Variants in TMIE observed in about 807,000 individuals in gnomAD.
TMIE encodes the protein transmembrane inner ear.
TMIE carries 14 observed loss-of-function variants against 16.8 expected under a neutral mutation model. The observed-to-expected ratio is 0.83, with a 90% CI of 0.55 to 1.30. The LOEUF is 1.30. Ranked by LOEUF, TMIE falls within the 50% of genes most tolerant of loss-of-function variation. The pLI is 0.00. For missense variants in TMIE, 204 were observed against 205.9 expected (o/e 0.99, Z 0.06); for synonymous variants, 75 against 87.2 (o/e 0.86, Z 0.78).
Position 46,709,281 on chromosome 3 carries a change from T to C in TMIE, c.361+6T>C, listed in dbSNP as rs767860785. The C allele has an allele frequency of 5.6e-6, 9 of 1,613,752 alleles. No individual in the cohort carries two copies. The African/African-American group carries it at 1.1e-4, about 19-fold the overall frequency. Reference sequence around the variant, plus strand: ...GCTCACAGAAGTCCCAGGAGGTGAGTTGGCCCTGGCTTGAGCCCTGCTGCG... The same window carrying C: ...GCTCACAGAAGTCCCAGGAGGTGAGCTGGCCCTGGCTTGAGCCCTGCTGCG... On this transcript the variant is annotated splice_donor_region_variant and intron_variant, in intron 3 of 3. Coordinates refer to ENST00000643606, the MANE Select transcript of TMIE (RefSeq NM_147196.3).
Position 46,701,827 on chromosome 3 carries a change from G to A in TMIE, c.93+247G>A, listed in dbSNP as rs554613110. On this transcript the variant is annotated intron_variant, in intron 1 of 3. Transcript: ENST00000643606. This position sits in a 1 kb window ranked among gnomAD's most constrained non-coding sequence, Gnocchi z 4.3. ...CCGATTTCTGGAACATTAGTCTGAC[G>A]GGGGAGACTCACCTTGACCTTAGGG... 6.6e-6 allele frequency among the ~76,000 whole-genome samples: 1 copy of A among 152,212 alleles called. No individual in the cohort carries two copies. Among genetic ancestry groups the A allele is most frequent in the South Asian group, 2.1e-4 (1 of 4,820 alleles).
rs375093991 is a variant in TMIE at position 46,709,559 on chromosome 3, C to T, written c.362-20C>T. 9 of 1,609,274 alleles carry T rather than the reference C, an allele frequency of 5.6e-6. No individual in the cohort carries two copies. Among genetic ancestry groups the T allele is most frequent in the Admixed American group, 1.7e-5 (1 of 59,240 alleles). On this transcript the variant is annotated intron_variant, in intron 3 of 3. Coordinates refer to ENST00000643606, the MANE Select transcript of TMIE (RefSeq NM_147196.3). ...CCTTGTCTCACCACTATCACATGGT[C>T]TCTTCCCCCTGCCCCACAGAGGATA...
chr3:46,706,909 G>C (rs1166373009), intron 2 of TMIE, among the ~76,000 whole-genome samples: 1 of 152,226 alleles, frequency 6.6e-6, no homozygotes, highest in African/African-American at 2.4e-5. Flanking sequence ...GTGCCCCAGA[G>C]AGCTGGGTGG....
chr3:46,709,901 AC>A lies in TMIE; in HGVS notation c.*217del. 3 of 940,186 alleles carry A rather than the reference AC, an allele frequency of 3.2e-6. No individual in the cohort carries two copies. Among genetic ancestry groups the A allele is most frequent in the East Asian group, 2.8e-5 (1 of 35,664 alleles). 58.2% of individuals were successfully genotyped at this position (940,186 alleles called of 1,614,324 possible). A position where few individuals can be genotyped will look rare whatever the true frequency, so the allele number is the denominator to read the frequency against. On this transcript the variant is annotated 3_prime_UTR_variant, in exon 4 of 4. Transcript: ENST00000643606. ...CCCCAGCCTAGGCTTGGCTCCTTTC[AC>A]CCCATCCACATGGGTACTGTCTCGG... is the stretch of plus-strand genomic sequence containing the variant.
Position 46,709,294 on chromosome 3 carries a change from G to A in TMIE, c.361+19G>A. On this transcript the variant is annotated intron_variant, in intron 3 of 3. Coordinates refer to ENST00000643606, the MANE Select transcript of TMIE (RefSeq NM_147196.3). ...CCAGGAGGTGAGTTGGCCCTGGCTT[G>A]AGCCCTGCTGCGCCAGCCAGTTCCT... is the stretch of plus-strand genomic sequence containing the variant. 1 of 1,613,636 alleles carries A rather than the reference G, an allele frequency of 6.2e-7. No homozygotes were observed. The highest frequency in any genetic ancestry group is 8.5e-7 in the Non-Finnish European group (1 of 1,179,962).
At chr3:46,705,088 CT>C (rs1700534320) in intron 1 of TMIE, among the ~76,000 whole-genome samples, 1 of 152,162 alleles carries the variant, frequency 6.6e-6, no homozygotes, top group Admixed American at 6.5e-5. Flanking sequence ...GTCCTATCCC[CT>C]CAGTCCCCCA....
upstream of TMIE, among the ~76,000 whole-genome samples, chr3:46,693,928 G>T (rs1241912729): frequency 6.6e-6 from 1 of 152,018 alleles, no homozygotes; most frequent in Non-Finnish European, 1.5e-5. Flanking sequence ...GGGAGGAAAA[G>T]TGGGAGTCTT....
intron 1 of TMIE, among the ~76,000 whole-genome samples, chr3:46,704,608 T>A (rs1308273498): frequency 3.0e-5 from 4 of 132,262 alleles, no homozygotes; most frequent in African/African-American, 8.9e-5. Context: ...ACACCCAGGG[T>A]GGACCATGTC....
Position 46,702,905 on chromosome 3 carries a change from G to A in TMIE, c.93+1325G>A, listed in dbSNP as rs149247169. Among the ~76,000 whole-genome samples, 3 of 152,270 alleles carry A rather than the reference G, an allele frequency of 2.0e-5. No individual in the cohort carries two copies. The East Asian group carries it at 5.8e-4, about 29-fold the overall frequency. The stretch of plus-strand genomic sequence containing the variant: ...ACTTGGGCCCCTCACAGGCTGCCCT[G>A]AGGCCTGGGTACAGAAACTGAGCTG... On this transcript the variant is annotated intron_variant, in intron 1 of 3. Transcript: ENST00000643606.
chr3:46,709,686 TGAA>T lies in TMIE; in HGVS notation c.*1_*3del. ...GGCCAAGAAGAAGAAAGGAGAGAAA[TGAA>T]GACATCCTGGGCAGCTTGGGCTGGC... On this transcript the variant is annotated stop_retained_variant and 3_prime_UTR_variant, in exon 4 of 4. Transcript: ENST00000643606. The T allele has an allele frequency of 6.2e-7, 1 of 1,612,382 alleles. No homozygotes were observed. Among genetic ancestry groups the T allele is most frequent in the Non-Finnish European group, 8.5e-7 (1 of 1,179,236 alleles).
chr3:46,709,376 G>A lies in TMIE; in HGVS notation c.361+101G>A, dbSNP rs1700592398. 20 of 1,603,998 alleles carry A rather than the reference G, an allele frequency of 1.2e-5. No individual in the cohort carries two copies. The South Asian group carries it at 1.9e-4, about 15-fold the overall frequency. ...CTGCTCCAACCAAAGCAGGTTCAGG[G>A]AGGGGCCCCAGCCCTGCCCCTGGAG... On this transcript the variant is annotated intron_variant, in intron 3 of 3. Transcript: ENST00000643606.
At chr3:46,699,925 G>A (rs1351031304), upstream of TMIE, among the ~76,000 whole-genome samples, 1 of 152,180 alleles carries the variant, frequency 6.6e-6, no homozygotes. Context: ...AGAAACAGAG[G>A]AGTAATGCTT....
Position 46,701,674 on chromosome 3 carries a change from G to T in TMIE, c.93+94G>T. On this transcript the variant is annotated intron_variant, in intron 1 of 3. Transcript: ENST00000643606. This position sits in a 1 kb window ranked among gnomAD's most constrained non-coding sequence, Gnocchi z 4.3. The stretch of plus-strand genomic sequence containing the variant: ...CGCCTTTTTGATCCGGAGCTTGTTT[G>T]ATCCCTTACTCTTGCCCTGAGAGAT... 2.0e-6 allele frequency: 2 copies of T among 1,022,516 alleles called. No individual in the cohort carries two copies. The highest frequency in any genetic ancestry group is 2.5e-6 in the Non-Finnish European group (2 of 787,870). The allele number at this position is 1,022,516 out of a possible 1,614,324, so 63.3% of individuals were successfully genotyped here.
intron 2 of TMIE, among the ~76,000 whole-genome samples, chr3:46,707,237 G>A (rs1700562456): frequency 6.6e-6 from 1 of 152,254 alleles, no homozygotes; most frequent in Non-Finnish European, 1.5e-5. Context: ...CTAGGATGCA[G>A]GTCTACGGAG....
chr3:46,700,632 A>G (rs1439635158), upstream of TMIE, among the ~76,000 whole-genome samples: 1 of 152,178 alleles, frequency 6.6e-6, no homozygotes, highest in Non-Finnish European at 1.5e-5. Flanking sequence ...CCAGGTCTCT[A>G]CATCTCCTCA....
Position 46,709,128 on chromosome 3 carries a change from A to T in TMIE, c.214A>T (p.Ile72Phe). The T allele has an allele frequency of 6.2e-7, 1 of 1,614,100 alleles. No homozygotes were observed. The highest frequency in any genetic ancestry group is 8.5e-7 in the Non-Finnish European group (1 of 1,180,040). ...AGCCTGCTCTGTCCTCCCTACAGTC[A>T]TCACGCTGTGCTGTGTCTTCAACTG... ...IFSLFVLSII[I>F]TLCCVFNCRV... Residue 72 changes from isoleucine to phenylalanine, a missense_variant and splice_region_variant, in exon 3 of 4, where the codon ATC (isoleucine) becomes TTC (phenylalanine). By Grantham distance (21) the Ile-to-Phe change is conservative. Transcript: ENST00000643606.
chr3:46,709,471 A>T, intron 3 of TMIE, 108 bp from the exon 4 acceptor site: 1 of 1,610,212 alleles, frequency 6.2e-7, no homozygotes, highest in Admixed American at 1.7e-5. Context: ...AGGAAGAAGG[A>T]AGAAAAAGGC....
intron 1 of TMIE, among the ~76,000 whole-genome samples, chr3:46,695,555 A>C (rs541244437): frequency 6.6e-6 from 1 of 152,218 alleles, no homozygotes; most frequent in East Asian, 1.9e-4. Flanking sequence ...GGGGCTTAGG[A>C]GGGAGGCAAG....
upstream of TMIE, among the ~76,000 whole-genome samples, chr3:46,697,606 A>G (rs1404624513): frequency 6.6e-6 from 1 of 152,134 alleles, no homozygotes; most frequent in Non-Finnish European, 1.5e-5. Context: ...TCTGTGACCC[A>G]CTCCAGCAAA....
Sources: gnomAD v4.1 joint callset for allele counts (sites outside exome capture counted in the v4.1 genomes callset) on GRCh38, gnomAD v4.1.1 for gene constraint, Gnocchi (gnomAD v3.1) non-coding constraint, MANE v1.5 for transcripts, NCBI Gene and HGNC (gene_info 2026-07-23, HGNC 2026-07-21) for gene names.